The following TMEM242 variants were observed in gnomAD, a reference collection of about 807,000 sequenced individuals.
TMEM242 encodes UPF0463 transmembrane protein C6orf35.
A neutral mutation model predicts 18.2 loss-of-function variants in TMEM242; 10 were observed. The observed-to-expected ratio is 0.55, with a 90% CI of 0.34 to 0.93. The LOEUF is 0.93. Among genes scored for constraint, TMEM242 ranks in the 40% least tolerant of loss-of-function variants. The pLI is 0.02. For synonymous variants in TMEM242, 57 were observed against 69.9 expected (o/e 0.81, Z 0.92); for missense variants, 186 against 175.5 (o/e 1.06, Z -0.34).
intron 3 of TMEM242, among the ~76,000 whole-genome samples, chr6:157,316,673 G>A (rs1387985677): frequency 1.3e-5 from 2 of 151,978 alleles, no homozygotes; most frequent in Non-Finnish European, 2.9e-5. Context: ...CCAGGAGTTC[G>A]CAACCAGCCT....
chr6:157,299,693 C>T lies in TMEM242; in HGVS notation c.328-6694G>A, dbSNP rs587737050. ...CACATTTCGCTGGACTAAATTAAGG[C>T]GCGTTTCTCCCTTTTCTTGACGTGC... On this transcript the variant is annotated intron_variant, in intron 3 of 3. Coordinates refer to ENST00000400788, the MANE Select transcript of TMEM242 (RefSeq NM_018452.6). 272 of 1,610,732 alleles carry T rather than the reference C, an allele frequency of 1.7e-4. 2 individuals are homozygous for T. The South Asian group carries it at 2.8e-3, about 17-fold the overall frequency.
intron 3 of TMEM242, among the ~76,000 whole-genome samples, chr6:157,310,772 G>A (rs1583563059): frequency 1.7e-5 from 2 of 116,184 alleles, no homozygotes; most frequent in African/African-American, 6.5e-5. Flanking sequence ...TCATCATAGG[G>A]TCCCAGTGTG....
intron 3 of TMEM242, among the ~76,000 whole-genome samples, chr6:157,301,208 A>G (rs963277959): frequency 6.6e-6 from 1 of 152,314 alleles, no homozygotes; most frequent in Admixed American, 6.5e-5. Flanking sequence ...GCTCTTCTGG[A>G]ATGGGGCCCC....
chr6:157,306,809 T>G (rs920497145), intron 3 of TMEM242, among the ~76,000 whole-genome samples: 1 of 152,156 alleles, frequency 6.6e-6, no homozygotes, highest in Non-Finnish European at 1.5e-5. Context: ...TATAAAAGCC[T>G]AGAATCTGTC....
At chr6:157,312,625 T>A (rs1778204292) in intron 3 of TMEM242, among the ~76,000 whole-genome samples, 1 of 151,580 alleles carries the variant, frequency 6.6e-6, no homozygotes, top group Admixed American at 6.6e-5. Context: ...CTCACCATAG[T>A]GTCGCAGTGT....
chr6:157,307,153 T>C (rs1306193552), intron 3 of TMEM242, among the ~76,000 whole-genome samples: 2 of 152,222 alleles, frequency 1.3e-5, no homozygotes, highest in East Asian at 3.8e-4. Context: ...AGGTCTCCAG[T>C]CCACAATGCT....
At chr6:157,313,533 T>C (rs587630512) in intron 3 of TMEM242, among the ~76,000 whole-genome samples, 6 of 57,654 alleles carry the variant, frequency 1.0e-4, no homozygotes, top group Admixed American at 5.1e-4. Flanking sequence ...TCATCTGGCG[T>C]CATCATAGTG....
In TMEM242 at chr6:157,318,794, TA is replaced by T. The variant is rs1778447914; in HGVS notation, c.314del (p.Leu105Ter). The T allele has an allele frequency of 1.2e-6, 2 of 1,613,958 alleles. No homozygotes were observed. The highest frequency in any genetic ancestry group is 1.7e-6 in the Non-Finnish European group (2 of 1,180,020). On this transcript the variant is annotated frameshift_variant, in exon 3 of 4. Transcript: ENST00000400788. LOFTEE classifies it high-confidence loss of function. The stretch of plus-strand genomic sequence containing the variant: ...AGTAGTTACTTACACTGTGAACTCC[TA>T]AAGCTTTCCAGACTGCGAAGCTAAT... ...GVISFAVWKA[L>X]GVHSMNDFRS...
intron 3 of TMEM242, among the ~76,000 whole-genome samples, chr6:157,315,639 G>A (rs1377459848): frequency 6.6e-6 from 1 of 152,160 alleles, no homozygotes; most frequent in African/African-American, 2.4e-5. Context: ...ACATAAAGAT[G>A]CAATATAAAA....
chr6:157,311,334 CAT>C (rs1562382897), intron 3 of TMEM242, among the ~76,000 whole-genome samples: 2 of 129,718 alleles, frequency 1.5e-5, no homozygotes, highest in Non-Finnish European at 3.4e-5. Context: ...CTAGCCTCAT[CAT>C]AGTGTCCCAG....
Position 157,310,860 on chromosome 6 carries a change from A to G in TMEM242, c.327+7922T>C, listed in dbSNP as rs9457568. ...ATAGTGTCCCAGTGTGCACTCACCT[A>G]GCCTCATCATAGTGCCCCAGTGTGC... On this transcript the variant is annotated intron_variant, in intron 3 of 3. Transcript: ENST00000400788. 2.4e-3 allele frequency among the ~76,000 whole-genome samples: 127 copies of G among 52,182 alleles called. 1 individual carries two copies. The highest frequency in any genetic ancestry group is 0.02 in the Middle Eastern group (2 of 102). 34.2% of individuals were successfully genotyped at this position (52,182 alleles called of 152,430 possible).
At chr6:157,302,708 T>C (rs1554247608) in intron 3 of TMEM242, among the ~76,000 whole-genome samples, 1 of 152,260 alleles carries the variant, frequency 6.6e-6, no homozygotes, top group Non-Finnish European at 1.5e-5. Flanking sequence ...CAAGTATAGC[T>C]AGACAGCTCC....
At chr6:157,312,944 G>A (rs797031014) in intron 3 of TMEM242, among the ~76,000 whole-genome samples, 28 of 1,398 alleles carry the variant, frequency 0.02, no homozygotes, top group East Asian at 0.048. Flanking sequence ...CCCAGTGTGC[G>A]CTCACCCGGC....
rs371156925 is a variant in TMEM242 at position 157,289,690 on chromosome 6, G to A, written c.*3211C>T. The A allele has an allele frequency of 9.1e-4, 130 of 143,054 alleles. No individual in the cohort carries two copies. The highest frequency in any genetic ancestry group is 3.0e-3 in the African/African-American group (117 of 38,586). 8.9% of individuals were successfully genotyped at this position (143,054 alleles called of 1,614,324 possible). Reference sequence around the variant, plus strand: ...TTACTTTTATCCCCATGGGCTCCCCGTCCCCCCACCCCCACCTTAATTTCT... The same window carrying A: ...TTACTTTTATCCCCATGGGCTCCCCATCCCCCCACCCCCACCTTAATTTCT... On this transcript the variant is annotated 3_prime_UTR_variant, in exon 4 of 4. Coordinates refer to ENST00000400788, the MANE Select transcript of TMEM242 (RefSeq NM_018452.6).
intron 3 of TMEM242, among the ~76,000 whole-genome samples, chr6:157,312,448 C>CTGA (rs1554249264): frequency 8.9e-5 from 3 of 33,778 alleles, no homozygotes; most frequent in South Asian, 7.4e-4. Context: ...CTCACCGAGC[C>CTGA]TCATAGTGCC....
chr6:157,289,826 T>C lies in TMEM242; in HGVS notation c.*3075A>G, dbSNP rs1777661119. 6.6e-6 allele frequency: 1 copy of C among 151,918 alleles called. No individual in the cohort carries two copies. 9.4% of individuals were successfully genotyped at this position (151,918 alleles called of 1,614,324 possible). On this transcript the variant is annotated 3_prime_UTR_variant, in exon 4 of 4. Coordinates refer to ENST00000400788, the MANE Select transcript of TMEM242 (RefSeq NM_018452.6). Reference sequence around the variant, plus strand: ...AGGTGATTCGATGCCACCTTTTGACTAAGCAGGCAAAGTGCCCTTAACGCC... The same window carrying C: ...AGGTGATTCGATGCCACCTTTTGACCAAGCAGGCAAAGTGCCCTTAACGCC...
chr6:157,314,661 C>T (rs1778354485), intron 3 of TMEM242, among the ~76,000 whole-genome samples: 1 of 152,164 alleles, frequency 6.6e-6, no homozygotes, highest in African/African-American at 2.4e-5. Context: ...TCTTCTGCTA[C>T]CTCTCCTTCT....
chr6:157,302,010 A>G (rs1554247563), intron 3 of TMEM242, among the ~76,000 whole-genome samples: 1 of 152,144 alleles, frequency 6.6e-6, no homozygotes, highest in East Asian at 1.9e-4. Flanking sequence ...AAGGTGTGCC[A>G]TCAGCTGAGT....
intron 3 of TMEM242, among the ~76,000 whole-genome samples, chr6:157,309,370 T>C (rs1398734023): frequency 6.6e-6 from 1 of 152,038 alleles, no homozygotes; most frequent in Non-Finnish European, 1.5e-5. Flanking sequence ...GTCCTCAATA[T>C]ATATACGAAG....
Sources: allele counts gnomAD v4.1 joint callset (sites outside exome capture counted in the v4.1 genomes callset), GRCh38; gene constraint gnomAD v4.1.1; transcripts MANE v1.5; gene names NCBI Gene and HGNC (gene_info 2026-07-23, HGNC 2026-07-21).